CNTN5: variants seen among roughly 807,000 people sequenced by gnomAD.
CNTN5 encodes the protein contactin-5.
In CNTN5, 77 loss-of-function variants were observed where a neutral mutation model predicts 129.1. The observed-to-expected ratio is 0.60, with a 90% CI of 0.50 to 0.72. The LOEUF (loss-of-function observed/expected upper bound fraction) is 0.72, where lower values mean the gene tolerates loss of function less well. Ranked by LOEUF, CNTN5 falls within the 30% of genes least tolerant of loss-of-function variation. The pLI is 0.00. For missense variants in CNTN5, 1,478 were observed against 1,328.8 expected, an observed-to-expected ratio of 1.11 and a Z score of -1.75; for synonymous variants, 509 against 465.6, an observed-to-expected ratio of 1.09 and a Z score of -1.20.
At chr11:100,144,558 T>C (rs924379516) in intron 13 of CNTN5, among the ~76,000 whole-genome samples, 1 of 152,152 alleles carries the variant, frequency 6.6e-6, no homozygotes, top group African/African-American at 2.4e-5. Flanking sequence ...AATATATGCA[T>C]TTGCTCTGAC....
At chr11:100,073,479 T>G (rs1944010462) in intron 12 of CNTN5, among the ~76,000 whole-genome samples, 1 of 151,628 alleles carries the variant, frequency 6.6e-6, no homozygotes, top group South Asian at 2.1e-4. Flanking sequence ...AATATCAGAT[T>G]GGTAAAAGTA....
At chr11:99,415,584 C>G (rs1206105218) in intron 2 of CNTN5, among the ~76,000 whole-genome samples, 1 of 152,060 alleles carries the variant, frequency 6.6e-6, no homozygotes, top group Non-Finnish European at 1.5e-5. Context: ...AAAGGGAGTT[C>G]TGGTTTCTAT....
At chr11:99,776,790 TA>T (rs955038278) in intron 3 of CNTN5, among the ~76,000 whole-genome samples, 101 of 146,836 alleles carry the variant, frequency 6.9e-4, no homozygotes, top group South Asian at 1.3e-3. Flanking sequence ...CAATGACAAT[TA>T]AAAAAAAAAC....
intron 3 of CNTN5, among the ~76,000 whole-genome samples, chr11:99,801,714 T>C (rs1156861631): frequency 1.3e-5 from 2 of 152,200 alleles, no homozygotes; most frequent in Admixed American, 1.3e-4. Context: ...CTTGGTGCAG[T>C]CTATTGATAA....
At chr11:99,900,340 T>C (rs1462584443) in intron 6 of CNTN5, among the ~76,000 whole-genome samples, 1 of 152,056 alleles carries the variant, frequency 6.6e-6, no homozygotes, top group Non-Finnish European at 1.5e-5. Context: ...TACTGATTTA[T>C]GTATATTGAG....
At chr11:99,819,937 C>T (rs939721953) in intron 4 of CNTN5, among the ~76,000 whole-genome samples, 172 bp downstream of exon 4, 19 of 152,090 alleles carry the variant, frequency 1.2e-4, no homozygotes, top group African/African-American at 4.6e-4. Context: ...TAGTAGAAAA[C>T]TGGAGGATGT....
intron 3 of CNTN5, among the ~76,000 whole-genome samples, chr11:99,711,653 G>A (rs773839643): frequency 2.8e-4 from 43 of 151,788 alleles, no homozygotes; most frequent in Admixed American, 1.4e-3. Flanking sequence ...CTTGACAGGT[G>A]CTGGTGTGTG....
chr11:99,307,527 G>A (rs1038499801), intron 1 of CNTN5, among the ~76,000 whole-genome samples: 12 of 151,954 alleles, frequency 7.9e-5, no homozygotes, highest in African/African-American at 1.9e-4. Context: ...TACTTCTGTC[G>A]TTTATCACAG....
chr11:100,226,056 C>G (rs1210600782), intron 16 of CNTN5, among the ~76,000 whole-genome samples: 2 of 152,002 alleles, frequency 1.3e-5, no homozygotes, highest in African/African-American at 4.8e-5. Context: ...GCTACTTGAT[C>G]TTTTCTTCAA....
intron 1 of CNTN5, among the ~76,000 whole-genome samples, chr11:99,264,400 C>T (rs1287709031): frequency 6.6e-6 from 1 of 151,632 alleles, no homozygotes; most frequent in Non-Finnish European, 1.5e-5. Context: ...ATATATAAAC[C>T]TACAAACATA....
intron 4 of CNTN5, 65 bp from the exon 5 acceptor site, chr11:99,844,787 G>GA (rs950241036): frequency 7.8e-5 from 118 of 1,503,236 alleles, no homozygotes; most frequent in East Asian, 1.6e-4. Flanking sequence ...AGATGGAAAA[G>GA]AAAAAAACAC....
chr11:99,430,637 A>T (rs2656207), intron 2 of CNTN5, among the ~76,000 whole-genome samples: 67,447 of 151,368 alleles, frequency 0.45, 15,591 homozygotes, highest in South Asian at 0.51. Flanking sequence ...ATGGAGAGAG[A>T]GCAAGAGAGA....
At chr11:99,889,169 T>C (rs1232786512) in intron 6 of CNTN5, among the ~76,000 whole-genome samples, 1 of 152,148 alleles carries the variant, frequency 6.6e-6, no homozygotes, top group Non-Finnish European at 1.5e-5. Flanking sequence ...GTCTAAAATG[T>C]CATACAAACA....
intron 9 of CNTN5, among the ~76,000 whole-genome samples, chr11:100,043,447 T>A (rs1230082053): frequency 6.6e-6 from 1 of 152,180 alleles, no homozygotes; most frequent in Non-Finnish European, 1.5e-5. Context: ...TTTAGGAGAC[T>A]TAAGGACATA....
intron 7 of CNTN5, among the ~76,000 whole-genome samples, chr11:99,954,517 G>A (rs1221831660): frequency 6.6e-6 from 1 of 152,126 alleles, no homozygotes; most frequent in Admixed American, 6.6e-5. Context: ...GAAGAAAGTG[G>A]TGTATGAAGC....
At chr11:100,313,785 GA>G (rs1159652880) in intron 21 of CNTN5, among the ~76,000 whole-genome samples, 2 of 152,052 alleles carry the variant, frequency 1.3e-5, no homozygotes, top group Admixed American at 1.3e-4. Context: ...TTGAGCTGAA[GA>G]GGAAGAATCA....
chr11:99,520,420 T>G (rs191839369), intron 2 of CNTN5, among the ~76,000 whole-genome samples: 167 of 152,240 alleles, frequency 1.1e-3, no homozygotes, highest in African/African-American at 3.7e-3. Flanking sequence ...ATGATCAAAG[T>G]GCTTACACAA....
intron 9 of CNTN5, among the ~76,000 whole-genome samples, chr11:100,018,573 G>A (rs1208161084): frequency 6.6e-6 from 1 of 151,872 alleles, no homozygotes; most frequent in African/African-American, 2.4e-5. Context: ...CTGTGCACCT[G>A]TTGATAGACA....
chr11:100,149,564 G>A (rs1012057636), intron 13 of CNTN5, among the ~76,000 whole-genome samples: 26 of 152,012 alleles, frequency 1.7e-4, no homozygotes, highest in African/African-American at 5.3e-4. Context: ...TATACATTTG[G>A]GTGTAGCACA....
Sources: allele counts gnomAD v4.1 joint callset (sites outside exome capture counted in the v4.1 genomes callset), GRCh38; gene constraint gnomAD v4.1.1; transcripts MANE v1.5; gene names NCBI Gene and HGNC (gene_info 2026-07-23, HGNC 2026-07-21).